Variants in AMPH observed in about 807,000 individuals in gnomAD.
AMPH encodes the protein amphiphysin (Stiff-Mann syndrome with breast cancer 128kD autoantigen).
AMPH carries 49 observed loss-of-function variants against 99.1 expected under a neutral mutation model. The ratio of observed to expected loss-of-function variants is 0.49; its 90% CI spans 0.39 to 0.63. AMPH has a LOEUF of 0.63. Ranked by LOEUF, AMPH falls within the 20% of genes least tolerant of loss-of-function variation. The probability of loss-of-function intolerance (pLI) is 0.00; values close to 1 mark genes in which losing one functional copy is unlikely to be tolerated. For synonymous variants in AMPH, 314 were observed against 317.3 expected (o/e 0.99, Z 0.11); for missense variants, 759 against 863.4 (o/e 0.88, Z 1.52).
chr7:38,586,487 C>T (rs982768474), intron 1 of AMPH, among the ~76,000 whole-genome samples: 2 of 152,210 alleles, frequency 1.3e-5, no homozygotes, highest in African/African-American at 4.8e-5. Context: ...CAGTAACTCA[C>T]ATTTGCAACA....
intron 17 of AMPH, among the ~76,000 whole-genome samples, chr7:38,409,541 G>A (rs1413705263): frequency 6.6e-6 from 1 of 152,192 alleles, no homozygotes; most frequent in Non-Finnish European, 1.5e-5. Context: ...TCCTTTCAAA[G>A]CTGGCACTTG....
chr7:38,385,386 T>C (rs1242206635), intron 20 of AMPH, among the ~76,000 whole-genome samples: 1 of 152,164 alleles, frequency 6.6e-6, no homozygotes, highest in Non-Finnish European at 1.5e-5. Flanking sequence ...GGAATACTGA[T>C]GAGGCCATGG....
intron 17 of AMPH, among the ~76,000 whole-genome samples, chr7:38,404,685 C>A (rs1413184626): frequency 2.0e-5 from 3 of 152,174 alleles, no homozygotes; most frequent in African/African-American, 7.2e-5. Flanking sequence ...GTGACAGCTT[C>A]TTCACATGAG....
chr7:38,596,849 A>C (rs955962882), intron 1 of AMPH, among the ~76,000 whole-genome samples: 1 of 135,308 alleles, frequency 7.4e-6, no homozygotes, highest in Non-Finnish European at 1.7e-5. Context: ...CTTCTGGCCT[A>C]TGCATTTATC....
At chr7:38,486,238 T>A (rs1584154261) in intron 5 of AMPH, among the ~76,000 whole-genome samples, 1 of 137,600 alleles carries the variant, frequency 7.3e-6, no homozygotes, top group African/African-American at 2.7e-5. Flanking sequence ...ATAAATAAAA[T>A]CAGAAATGAA....
At chr7:38,543,613 A>G (rs1377088644) in intron 1 of AMPH, among the ~76,000 whole-genome samples, 3 of 152,206 alleles carry the variant, frequency 2.0e-5, no homozygotes, top group Non-Finnish European at 4.4e-5. Context: ...TTAGGTTACT[A>G]TGATTGTGTT....
chr7:38,520,886 T>C (rs1251119014), intron 2 of AMPH, among the ~76,000 whole-genome samples: 2 of 152,208 alleles, frequency 1.3e-5, no homozygotes, highest in African/African-American at 4.8e-5. Flanking sequence ...CTGCACCAAC[T>C]TCCTTTCTGC....
At chr7:38,433,521 C>T (rs1349604301) in intron 12 of AMPH, among the ~76,000 whole-genome samples, 1 of 151,164 alleles carries the variant, frequency 6.6e-6, no homozygotes, top group African/African-American at 2.4e-5. Flanking sequence ...GTCAGGAGAT[C>T]GAGACCATCC....
intron 11 of AMPH, among the ~76,000 whole-genome samples, chr7:38,442,494 C>T (rs1786593385): frequency 6.6e-6 from 1 of 152,178 alleles, no homozygotes; most frequent in Non-Finnish European, 1.5e-5. Flanking sequence ...TCTGACTACA[C>T]TGGAATTAAA....
At chr7:38,618,949 CA>C (rs1397596120) in intron 1 of AMPH, among the ~76,000 whole-genome samples, 1 of 152,042 alleles carries the variant, frequency 6.6e-6, no homozygotes, top group Non-Finnish European at 1.5e-5. Context: ...AAAATTGATC[CA>C]AAAAATCTAA....
At chr7:38,407,951 T>C (rs1785099885) in intron 17 of AMPH, among the ~76,000 whole-genome samples, 1 of 152,194 alleles carries the variant, frequency 6.6e-6, no homozygotes, top group African/African-American at 2.4e-5. Context: ...AAATGGATAT[T>C]TATCATGAAT....
chr7:38,386,934 C>A (rs1031599492), intron 20 of AMPH, among the ~76,000 whole-genome samples: 2 of 152,162 alleles, frequency 1.3e-5, no homozygotes, highest in African/African-American at 4.8e-5. Flanking sequence ...GAGTGTAAGG[C>A]TCCCAGAGAA....
intron 17 of AMPH, among the ~76,000 whole-genome samples, chr7:38,398,406 T>C (rs1784743569): frequency 6.6e-6 from 1 of 152,178 alleles, no homozygotes; most frequent in African/African-American, 2.4e-5. Context: ...TGGATGGAAC[T>C]GGAGGTCATT....
intron 1 of AMPH, among the ~76,000 whole-genome samples, chr7:38,589,196 A>G (rs1237419889): frequency 1.3e-5 from 2 of 152,198 alleles, no homozygotes; most frequent in Admixed American, 1.3e-4. Flanking sequence ...GACCATAAAA[A>G]CTGCAAGTGT....
At chr7:38,411,893 T>C (rs1240810489) in intron 17 of AMPH, among the ~76,000 whole-genome samples, 1 of 152,218 alleles carries the variant, frequency 6.6e-6, no homozygotes. Context: ...TTTCTTATCC[T>C]GAAGCTAATG....
At chr7:38,605,947 C>T (rs557040619) in intron 1 of AMPH, among the ~76,000 whole-genome samples, 1 of 152,296 alleles carries the variant, frequency 6.6e-6, no homozygotes, top group African/African-American at 2.4e-5. Context: ...GAGTCTATGG[C>T]CATCCCTCAT....
At position 38,395,656 on chromosome 7, in the gene AMPH, C is replaced by T. The variant is rs542578943; in HGVS notation, c.1399-1442G>A. Among the ~76,000 whole-genome samples the T allele has an allele frequency of 1.1e-4, 16 of 152,290 alleles. 1 individual carries two copies. The highest frequency in any genetic ancestry group is 3.8e-4 in the African/African-American group (16 of 41,562). ...CGGGACACATATTTCAAAAATGGCT[C>T]TTACTATCTGATGGGATTAGGATTA... On this transcript the variant is annotated intron_variant, in intron 17 of 20. Coordinates refer to ENST00000356264, the MANE Select transcript of AMPH (RefSeq NM_001635.4).
chr7:38,503,706 TA>T lies in AMPH; in HGVS notation c.151-3del. ...TCGCTGAAGTCTGGTACCCTCTGCC[TA>T]AAAAACACAAGCACAGATGCTAAAT... is the stretch of plus-strand genomic sequence containing the variant. On this transcript the variant is annotated splice_region_variant and splice_polypyrimidine_tract_variant and intron_variant, in intron 2 of 20. Coordinates refer to ENST00000356264, the MANE Select transcript of AMPH (RefSeq NM_001635.4). 6.2e-6 allele frequency: 10 copies of T among 1,613,876 alleles called. No homozygotes were observed. Among genetic ancestry groups the T allele is most frequent in the Non-Finnish European group, 8.5e-6 (10 of 1,179,818 alleles).
intron 1 of AMPH, among the ~76,000 whole-genome samples, chr7:38,625,877 A>C (rs1166931604): frequency 6.6e-6 from 1 of 152,220 alleles, no homozygotes; most frequent in Non-Finnish European, 1.5e-5. Flanking sequence ...AAACTCATGA[A>C]GCTGAACACT....
Sources: allele counts gnomAD v4.1 joint callset (sites outside exome capture counted in the v4.1 genomes callset), GRCh38; gene constraint gnomAD v4.1.1; transcripts MANE v1.5; gene names NCBI Gene and HGNC (gene_info 2026-07-23, HGNC 2026-07-21).